Variants in UNC13C observed in about 807,000 individuals in gnomAD.
UNC13C encodes the protein unc-13 homolog C, also known as protein unc-13 homolog C.
UNC13C carries 174 observed loss-of-function variants against 245.4 expected under a neutral mutation model. The observed-to-expected ratio is 0.71, with a 90% confidence interval of 0.63 to 0.80. UNC13C has a LOEUF of 0.80. UNC13C is among the 30% of genes least tolerant of loss of function. The pLI is 0.00. For missense variants in UNC13C, 2,829 were observed against 2,602.9 expected, an observed-to-expected ratio of 1.09 and a Z score of -1.89; for synonymous variants, 992 against 895.1, an observed-to-expected ratio of 1.11 and a Z score of -1.93.
intron 2 of UNC13C, among the ~76,000 whole-genome samples, chr15:54,073,001 A>G (rs573749220): frequency 6.6e-6 from 1 of 152,220 alleles, no homozygotes; most frequent in South Asian, 2.1e-4. Flanking sequence ...CATCTACATT[A>G]GGTATGTCTC....
chr15:54,223,499 G>C (rs927043744), intron 4 of UNC13C, among the ~76,000 whole-genome samples: 4 of 152,016 alleles, frequency 2.6e-5, no homozygotes, highest in Non-Finnish European at 5.9e-5. Flanking sequence ...CTGTAGCTCT[G>C]TAGAATAATT....
Position 54,178,676 on chromosome 15 carries a change from A to C in UNC13C, c.3071+34992A>C, listed in dbSNP as rs142255782. Among the ~76,000 whole-genome samples the C allele has an allele frequency of 4.5e-4, 69 of 152,234 alleles. No individual in the cohort carries two copies. The East Asian group carries it at 0.01, about 22-fold the overall frequency. On this transcript the variant is annotated intron_variant, in intron 4 of 32. Transcript: ENST00000260323. ...TAAGGGTCAGGCTTTGCTCACACAA[A>C]GGATAAAGTAAAATAACAAAATTTC... is the stretch of plus-strand genomic sequence containing the variant.
At chr15:53,911,939 G>C in the UNC13C span, 2 of 152,282 alleles carry the variant, frequency 1.3e-5, no homozygotes, top group Non-Finnish European at 2.9e-5. Context: ...CATACACAAA[G>C]TGACTATTGC....
chr15:54,103,076 A>C (rs1268593764), intron 2 of UNC13C, among the ~76,000 whole-genome samples: 1 of 152,198 alleles, frequency 6.6e-6, no homozygotes, highest in Admixed American at 6.5e-5. Context: ...CTGAGGGTAC[A>C]AATCGGGGAG....
At chr15:54,503,651 C>T (rs987441701) in intron 22 of UNC13C, among the ~76,000 whole-genome samples, 10 of 151,828 alleles carry the variant, frequency 6.6e-5, no homozygotes, top group African/African-American at 2.4e-4. Context: ...CCAGGCTGGT[C>T]CCAAACTCAT....
At chr15:54,426,510 G>A (rs950498421) in intron 19 of UNC13C, among the ~76,000 whole-genome samples, 1 of 151,026 alleles carries the variant, frequency 6.6e-6, no homozygotes, top group Non-Finnish European at 1.5e-5. Flanking sequence ...AAAAATAAAA[G>A]TTGTAATCTC....
At chr15:54,328,639 C>T (rs1005602520) in intron 14 of UNC13C, among the ~76,000 whole-genome samples, 4 of 152,078 alleles carry the variant, frequency 2.6e-5, no homozygotes, top group African/African-American at 9.6e-5. Context: ...TATCATACCC[C>T]TTCCTTACAA....
intron 4 of UNC13C, among the ~76,000 whole-genome samples, chr15:54,187,068 G>C (rs949467779): frequency 1.3e-5 from 2 of 151,784 alleles, no homozygotes; most frequent in African/African-American, 2.4e-5. Context: ...GGCTGGTTTT[G>C]AACTCCTGAC....
At chr15:54,115,396 CTTTAT>C (rs1463138619) in intron 2 of UNC13C, among the ~76,000 whole-genome samples, 1 of 151,964 alleles carries the variant, frequency 6.6e-6, no homozygotes, top group Non-Finnish European at 1.5e-5. Flanking sequence ...GCTGCTGTTT[CTTTAT>C]TTTATAATAA....
chr15:54,504,159 A>G (rs1894361837), intron 22 of UNC13C, among the ~76,000 whole-genome samples: 2 of 152,184 alleles, frequency 1.3e-5, no homozygotes, highest in African/African-American at 4.8e-5. Context: ...AAAAATAGAT[A>G]TGAAGTAATG....
At chr15:53,906,923 C>G in the UNC13C span, among the ~76,000 whole-genome samples, 7 of 152,120 alleles carry the variant, frequency 4.6e-5, no homozygotes, top group African/African-American at 1.7e-4. Context: ...CATCATGTCT[C>G]GTGAGAACTC....
At chr15:54,123,644 C>T (rs2030831659) in intron 2 of UNC13C, among the ~76,000 whole-genome samples, 1 of 152,052 alleles carries the variant, frequency 6.6e-6, no homozygotes, top group South Asian at 2.1e-4. Flanking sequence ...AGTTATCCTT[C>T]ACCAGTTTCT....
In UNC13C at chr15:54,500,940, C is replaced by A; in HGVS notation, c.5263C>A (p.Pro1755Thr). Reference protein sequence around the residue: ...EIIKKLECPNPEALSHLMRRF... With the variant: ...EIIKKLECPNTEALSHLMRRF... ...TATTAAGAAACTGGAATGCCCTAAT[C>A]CTGAAGCATTATCTCACTTAATGAG... Residue 1755 changes from proline (P) to threonine (T), a missense_variant, in exon 22 of 33, where the codon CCT becomes ACT. Physicochemically the swap from Pro to Thr is conservative, Grantham distance 38. Coordinates refer to ENST00000260323, the MANE Select transcript of UNC13C (RefSeq NM_001080534.3). 1 of 1,612,942 alleles carries A rather than the reference C, an allele frequency of 6.2e-7. No homozygotes were observed. Among genetic ancestry groups the A allele is most frequent in the Non-Finnish European group, 8.5e-7 (1 of 1,179,212 alleles).
At chr15:54,224,676 T>A (rs2140794500) in intron 4 of UNC13C, among the ~76,000 whole-genome samples, 1 of 152,294 alleles carries the variant, frequency 6.6e-6, no homozygotes, top group Non-Finnish European at 1.5e-5. Context: ...TCTAGAAGTA[T>A]TCACTTCTCC....
chr15:54,171,924 A>T (rs1390838142), intron 4 of UNC13C, among the ~76,000 whole-genome samples: 1 of 152,152 alleles, frequency 6.6e-6, no homozygotes, highest in Non-Finnish European at 1.5e-5. Flanking sequence ...TTATTGAGCC[A>T]TGAAAAAGAA....
intron 14 of UNC13C, among the ~76,000 whole-genome samples, chr15:54,328,929 G>C (rs369182510): frequency 6.6e-6 from 1 of 151,964 alleles, no homozygotes; most frequent in African/African-American, 2.4e-5. Flanking sequence ...ATGCCTATTA[G>C]TTTACATATT....
chr15:54,071,178 C>A (rs1425220724), intron 2 of UNC13C, among the ~76,000 whole-genome samples: 1 of 151,984 alleles, frequency 6.6e-6, no homozygotes, highest in African/African-American at 2.4e-5. Flanking sequence ...ATTTTTATAT[C>A]AAATTTCCTT....
chr15:54,394,557 T>C (rs2040032300), intron 18 of UNC13C, among the ~76,000 whole-genome samples: 1 of 151,878 alleles, frequency 6.6e-6, no homozygotes, highest in Admixed American at 6.6e-5. Context: ...TGGACCTTTC[T>C]TGAGGACAGA....
intron 30 of UNC13C, among the ~76,000 whole-genome samples, chr15:54,599,375 C>T (rs536715328): frequency 1.3e-5 from 2 of 152,064 alleles, no homozygotes; most frequent in Non-Finnish European, 2.9e-5. Flanking sequence ...GCATTTGATG[C>T]CTTTTTGCTT....
Sources: allele counts gnomAD v4.1 joint callset (sites outside exome capture counted in the v4.1 genomes callset), GRCh38; gene constraint gnomAD v4.1.1; transcripts MANE v1.5; gene names NCBI Gene and HGNC (gene_info 2026-07-23, HGNC 2026-07-21).